CDH13: variants seen among roughly 807,000 people sequenced by gnomAD.
The protein encoded by CDH13 is cadherin-13.
A neutral mutation model predicts 63.8 loss-of-function variants in CDH13; 24 were observed. The observed-to-expected ratio is 0.38, with a 90% CI of 0.27 to 0.53. CDH13 has a LOEUF of 0.53. Ranked by LOEUF, CDH13 falls within the 20% of genes least tolerant of loss-of-function variation. The pLI, the probability that CDH13 is intolerant of heterozygous loss-of-function variation, is 0.85. For missense variants in CDH13, 1,049 were observed against 903.1 expected, an observed-to-expected ratio of 1.16 and a Z score of -2.07; for synonymous variants, 503 against 355.3, an observed-to-expected ratio of 1.42 and a Z score of -4.67.
intron 1 of CDH13, among the ~76,000 whole-genome samples, chr16:82,785,077 C>G (rs1597571949): frequency 6.6e-6 from 1 of 152,168 alleles, no homozygotes; most frequent in Non-Finnish European, 1.5e-5. Flanking sequence ...TGTCAAAAAT[C>G]TGCTCTGCCT....
intron 6 of CDH13, among the ~76,000 whole-genome samples, chr16:83,386,476 A>G (rs1015773666): frequency 2.0e-5 from 3 of 152,236 alleles, no homozygotes; most frequent in African/African-American, 4.8e-5. Context: ...ATGCTCTTCT[A>G]GGATGATACT....
At chr16:83,551,097 T>TATCTATC (rs1567757185) in intron 7 of CDH13, among the ~76,000 whole-genome samples, 1 of 151,940 alleles carries the variant, frequency 6.6e-6, no homozygotes, top group East Asian at 1.9e-4. Flanking sequence ...TCTATCTATC[T>TATCTATC]TTGAGACAGC....
chr16:83,490,868 C>G lies in CDH13; in HGVS notation c.960+4213C>G, dbSNP rs1006933861. ...TTACACGCTCATCCATTTACTTGTT[C>G]GGAAAACCCTACCAGAATATACGCT... is the stretch of plus-strand genomic sequence containing the variant. On this transcript the variant is annotated intron_variant, in intron 7 of 13. Coordinates refer to ENST00000567109, the MANE Select transcript of CDH13 (RefSeq NM_001257.5). 5.9e-5 allele frequency among the ~76,000 whole-genome samples: 9 copies of G among 152,188 alleles called. 1 individual carries two copies. The highest frequency in any genetic ancestry group is 1.4e-4 in the African/African-American group (6 of 41,448).
intron 2 of CDH13, among the ~76,000 whole-genome samples, chr16:82,897,073 C>T (rs545423345): frequency 2.0e-5 from 3 of 152,164 alleles, no homozygotes; most frequent in South Asian, 4.2e-4. Context: ...AGCCACCGTG[C>T]CCTGCCACAC....
intron 10 of CDH13, among the ~76,000 whole-genome samples, chr16:83,746,392 T>C (rs1449781074): frequency 6.6e-6 from 1 of 152,198 alleles, no homozygotes; most frequent in African/African-American, 2.4e-5. Flanking sequence ...ACACTTCTGA[T>C]TGCATTTAGC....
chr16:82,854,747 C>G (rs1430317242), intron 1 of CDH13, among the ~76,000 whole-genome samples: 1 of 152,140 alleles, frequency 6.6e-6, no homozygotes, highest in Non-Finnish European at 1.5e-5. Flanking sequence ...TCCCTATACC[C>G]CAACTTTTAC....
chr16:83,027,127 C>G (rs1041024698), intron 2 of CDH13, among the ~76,000 whole-genome samples: 1 of 142,740 alleles, frequency 7.0e-6, no homozygotes, highest in Non-Finnish European at 1.5e-5. Context: ...CGCCCCGCCT[C>G]CAATCCTCTA....
chr16:83,250,994 C>T (rs938595668), intron 5 of CDH13, among the ~76,000 whole-genome samples: 10 of 134,696 alleles, frequency 7.4e-5, no homozygotes, highest in African/African-American at 1.7e-4. Flanking sequence ...CTCGGTGGTT[C>T]GGTAAAGGTT....
chr16:82,977,382 G>C (rs1381742948), intron 2 of CDH13, among the ~76,000 whole-genome samples: 1 of 152,186 alleles, frequency 6.6e-6, no homozygotes, highest in Non-Finnish European at 1.5e-5. Context: ...TGGTTTGGCT[G>C]TGTCCCCACC....
intron 1 of CDH13, among the ~76,000 whole-genome samples, chr16:82,719,845 C>CA (rs34017657): frequency 0.14 from 12,186 of 87,664 alleles, 794 homozygotes; most frequent in Non-Finnish European, 0.17. Flanking sequence ...GACTCTGTCT[C>CA]AAAAAAAAAA....
intron 6 of CDH13, among the ~76,000 whole-genome samples, chr16:83,352,344 G>C (rs1000055873): frequency 3.3e-5 from 5 of 152,198 alleles, no homozygotes; most frequent in East Asian, 1.9e-4. Flanking sequence ...CAAGAGGAAA[G>C]CGAATGCTTA....
At chr16:83,186,411 A>G (rs1030068385) in intron 4 of CDH13, among the ~76,000 whole-genome samples, 2 of 152,146 alleles carry the variant, frequency 1.3e-5, no homozygotes, top group East Asian at 3.9e-4. Flanking sequence ...TGCTGGGATT[A>G]CAGGCCTGAG....
intron 2 of CDH13, among the ~76,000 whole-genome samples, chr16:82,977,844 G>A (rs1267618566): frequency 6.6e-6 from 1 of 152,176 alleles, no homozygotes; most frequent in Admixed American, 6.5e-5. Context: ...GGGCAATTTT[G>A]GAACTTCCTA....
At chr16:82,741,648 A>G (rs139569580) in intron 1 of CDH13, among the ~76,000 whole-genome samples, 2 of 152,244 alleles carry the variant, frequency 1.3e-5, no homozygotes, top group Admixed American at 6.5e-5. Flanking sequence ...GATTTTAAAA[A>G]TAAGCATTTA....
At chr16:83,366,337 A>T (rs1359721543) in intron 6 of CDH13, among the ~76,000 whole-genome samples, 1 of 152,240 alleles carries the variant, frequency 6.6e-6, no homozygotes, top group Non-Finnish European at 1.5e-5. Flanking sequence ...TCCCAGAATT[A>T]TGAATACTTT....
At chr16:82,926,130 T>G (rs2042297520) in intron 2 of CDH13, 1 of 152,220 alleles carries the variant, frequency 6.6e-6, no homozygotes, top group Admixed American at 6.5e-5. Flanking sequence ...GATTCCTAAC[T>G]TTTTCTATAA....
intron 2 of CDH13, among the ~76,000 whole-genome samples, chr16:82,970,424 G>T (rs1384363980): frequency 1.2e-5 from 1 of 86,420 alleles, no homozygotes; most frequent in Non-Finnish European, 2.3e-5. Flanking sequence ...ACGGAGTCTC[G>T]CTCTGTCGCC....
chr16:82,978,761 A>G (rs1405229772), intron 2 of CDH13, among the ~76,000 whole-genome samples: 1 of 152,256 alleles, frequency 6.6e-6, no homozygotes, highest in Non-Finnish European at 1.5e-5. Context: ...CTGCTAGAGC[A>G]GTGCAGAAGG....
intron 2 of CDH13, among the ~76,000 whole-genome samples, chr16:82,997,228 A>G (rs563465454): frequency 2.0e-5 from 3 of 151,904 alleles, no homozygotes; most frequent in Admixed American, 6.6e-5. Context: ...ATGGGTGGTA[A>G]AGATGATAAT....
Sources: allele counts gnomAD v4.1 joint callset (sites outside exome capture counted in the v4.1 genomes callset), GRCh38; gene constraint gnomAD v4.1.1; transcripts MANE v1.5; gene names NCBI Gene and HGNC (gene_info 2026-07-23, HGNC 2026-07-21).